The following SUGCT variants were observed in gnomAD, a reference collection of about 807,000 sequenced individuals.
SUGCT encodes the protein succinyl-CoA:glutarate CoA-transferase.
In SUGCT, 41 loss-of-function variants were observed where a neutral mutation model predicts 55.0. The observed-to-expected ratio is 0.74, with a 90% CI of 0.58 to 0.97. The LOEUF is 0.97. Among genes scored for constraint, SUGCT ranks in the 50% least tolerant of loss-of-function variants. The pLI, the probability that SUGCT is intolerant of heterozygous loss-of-function variation, is 0.00. For missense variants in SUGCT, 568 were observed against 547.8 expected, an observed-to-expected ratio of 1.04 and a Z score of -0.37; for synonymous variants, 187 against 200.4, an observed-to-expected ratio of 0.93 and a Z score of 0.56.
chr7:41,036,887 CT>C, the SUGCT span, among the ~76,000 whole-genome samples: 1 of 152,152 alleles, frequency 6.6e-6, no homozygotes, highest in Non-Finnish European at 1.5e-5. Context: ...AACTCCTTAC[CT>C]TCCCTCTTGA....
the SUGCT span, among the ~76,000 whole-genome samples, chr7:40,871,023 T>C: frequency 6.6e-6 from 1 of 152,208 alleles, no homozygotes; most frequent in African/African-American, 2.4e-5. Context: ...ACAATAGCCC[T>C]GGAATTAATC....
intron 7 of SUGCT, among the ~76,000 whole-genome samples, chr7:40,238,055 C>T (rs1373627328): frequency 6.6e-6 from 1 of 152,122 alleles, no homozygotes; most frequent in African/African-American, 2.4e-5. Context: ...AATATAGGCA[C>T]CTTTGTGTGA....
At chr7:40,151,638 T>G (rs897359008) in intron 1 of SUGCT, 1 of 227,052 alleles carries the variant, frequency 4.4e-6, no homozygotes, top group Non-Finnish European at 9.9e-6. Flanking sequence ...AAGAAGCCAC[T>G]AACAGCTCCT....
At chr7:40,871,540 T>C in the SUGCT span, among the ~76,000 whole-genome samples, 1 of 152,202 alleles carries the variant, frequency 6.6e-6, no homozygotes, top group Non-Finnish European at 1.5e-5. Context: ...CTGACCCACA[T>C]ACATTGATAT....
At chr7:40,481,128 A>G (rs1791010930) in intron 11 of SUGCT, among the ~76,000 whole-genome samples, 1 of 152,088 alleles carries the variant, frequency 6.6e-6, no homozygotes, top group South Asian at 2.1e-4. Flanking sequence ...GAAGCCAGGA[A>G]GGAGTTCGAG....
At chr7:40,996,173 T>G in the SUGCT span, among the ~76,000 whole-genome samples, 1 of 152,214 alleles carries the variant, frequency 6.6e-6, no homozygotes, top group Non-Finnish European at 1.5e-5. Context: ...CCTATGTTGG[T>G]GGCTTGAATT....
chr7:40,927,031 T>G, the SUGCT span, among the ~76,000 whole-genome samples: 1 of 152,200 alleles, frequency 6.6e-6, no homozygotes. Flanking sequence ...GGGATCATGT[T>G]CAAAATCTCA....
At chr7:40,174,862 AT>A (rs1784847184) in intron 1 of SUGCT, among the ~76,000 whole-genome samples, 1 of 152,200 alleles carries the variant, frequency 6.6e-6, no homozygotes, top group Admixed American at 6.5e-5. Context: ...ATTGTTACTG[AT>A]TGATATTCCA....
intron 12 of SUGCT, among the ~76,000 whole-genome samples, chr7:40,586,090 C>T (rs1440348451): frequency 6.6e-6 from 1 of 151,964 alleles, no homozygotes; most frequent in South Asian, 2.1e-4. Flanking sequence ...GTTCAAGATC[C>T]CCTAAAAGAT....
intron 11 of SUGCT, among the ~76,000 whole-genome samples, chr7:40,467,026 A>G (rs1321667423): frequency 1.3e-5 from 2 of 151,590 alleles, no homozygotes; most frequent in Non-Finnish European, 2.9e-5. Context: ...ACATGGTGAA[A>G]CCCCACCTCT....
At chr7:40,385,114 C>A (rs115873077) in intron 9 of SUGCT, among the ~76,000 whole-genome samples, 15 of 152,066 alleles carry the variant, frequency 9.9e-5, no homozygotes, top group Admixed American at 2.6e-4. Flanking sequence ...TAGTCTTATT[C>A]GTTCATATTT....
At chr7:40,587,858 T>C (rs1797474527) in intron 12 of SUGCT, among the ~76,000 whole-genome samples, 1 of 151,958 alleles carries the variant, frequency 6.6e-6, no homozygotes, top group Non-Finnish European at 1.5e-5. Context: ...TTTAAACAGA[T>C]ATATTTATAT....
the SUGCT span, among the ~76,000 whole-genome samples, chr7:41,022,234 AAT>A: frequency 6.6e-6 from 1 of 152,136 alleles, no homozygotes; most frequent in South Asian, 2.1e-4. Flanking sequence ...CTAAATAAAA[AAT>A]AAAATAATAA....
At chr7:40,480,100 A>G (rs1480377113) in intron 11 of SUGCT, among the ~76,000 whole-genome samples, 2 of 152,074 alleles carry the variant, frequency 1.3e-5, no homozygotes, top group Non-Finnish European at 2.9e-5. Context: ...TTCTCAGGCC[A>G]ATATTAGGAA....
chr7:40,176,481 G>C (rs1784927411), intron 1 of SUGCT, among the ~76,000 whole-genome samples: 1 of 151,996 alleles, frequency 6.6e-6, no homozygotes, highest in African/African-American at 2.4e-5. Flanking sequence ...GGTATACTTG[G>C]TTTTAAAACT....
chr7:40,766,828 A>G (rs994982685), intron 13 of SUGCT, among the ~76,000 whole-genome samples: 2 of 152,178 alleles, frequency 1.3e-5, no homozygotes, highest in Non-Finnish European at 2.9e-5. Context: ...CAAGTCAAAT[A>G]CTTTAAGTGT....
intron 8 of SUGCT, among the ~76,000 whole-genome samples, chr7:40,305,476 G>A (rs868330073): frequency 6.6e-6 from 1 of 152,118 alleles, no homozygotes; most frequent in African/African-American, 2.4e-5. Flanking sequence ...TTGCATTCTA[G>A]CAGACAGAGA....
In SUGCT at chr7:40,231,661, C is replaced by T. The variant is rs115096907; in HGVS notation, c.485-5974C>T. The stretch of plus-strand genomic sequence containing the variant: ...CAAGATAGGGCATTGGGAAAACAGA[C>T]GAGCTGAGGCCAAAGAGTAGGTAGT... On this transcript the variant is annotated intron_variant, in intron 6 of 13. Transcript: ENST00000335693. Among the ~76,000 whole-genome samples the T allele has an allele frequency of 4.6e-3, 707 of 152,224 alleles. 8 individuals are homozygous for T. Among genetic ancestry groups the T allele is most frequent in the African/African-American group, 0.016 (674 of 41,538 alleles).
chr7:40,150,272 G>C (rs968826389), intron 1 of SUGCT, among the ~76,000 whole-genome samples: 1 of 152,134 alleles, frequency 6.6e-6, no homozygotes, highest in South Asian at 2.1e-4. Flanking sequence ...CCCAGGAACT[G>C]ACTGATCAAG....
Sources: allele counts gnomAD v4.1 joint callset (sites outside exome capture counted in the v4.1 genomes callset), GRCh38; gene constraint gnomAD v4.1.1; transcripts MANE v1.5; gene names NCBI Gene and HGNC (gene_info 2026-07-23, HGNC 2026-07-21).